NCALD: variants seen among roughly 807,000 people sequenced by gnomAD.
NCALD encodes neurocalcin-delta.
In NCALD, 10 loss-of-function variants were observed where a neutral mutation model predicts 18.6. The ratio of observed to expected loss-of-function variants is 0.54; its 90% CI spans 0.33 to 0.91. The LOEUF (loss-of-function observed/expected upper bound fraction) is 0.91, where lower values mean the gene tolerates loss of function less well. NCALD is among the 40% of genes least tolerant of loss of function. The pLI is 0.03. For synonymous variants in NCALD, 88 were observed against 87.4 expected (o/e 1.01, Z -0.04); for missense variants, 184 against 247.6 (o/e 0.74, Z 1.72).
At chr8:101,868,462 G>C (rs73280834) in intron 4 of NCALD, among the ~76,000 whole-genome samples, 3 of 152,074 alleles carry the variant, frequency 2.0e-5, no homozygotes, top group African/African-American at 4.8e-5. Context: ...ACCCCAACTT[G>C]TCACACCTAA....
chr8:102,044,320 C>G (rs140634600), intron 1 of NCALD, among the ~76,000 whole-genome samples: 1 of 151,846 alleles, frequency 6.6e-6, no homozygotes, highest in Non-Finnish European at 1.5e-5. Flanking sequence ...TGAGGACACA[C>G]GGAAATGGGT....
At chr8:101,884,223 T>G (rs1034858011) in intron 4 of NCALD, among the ~76,000 whole-genome samples, 2 of 152,240 alleles carry the variant, frequency 1.3e-5, no homozygotes, top group Non-Finnish European at 2.9e-5. Context: ...CCACTGAGAC[T>G]AGGTGTGGTA....
At chr8:101,958,840 T>A (rs751411747) in intron 2 of NCALD, among the ~76,000 whole-genome samples, 1 of 152,080 alleles carries the variant, frequency 6.6e-6, no homozygotes, top group Non-Finnish European at 1.5e-5. Flanking sequence ...TAGCCCACTT[T>A]TATTTTATAT....
At chr8:102,052,839 C>T (rs1249230424) in intron 1 of NCALD, among the ~76,000 whole-genome samples, 1 of 152,190 alleles carries the variant, frequency 6.6e-6, no homozygotes, top group African/African-American at 2.4e-5. Context: ...TGTGTTCCCA[C>T]AAAATTTCAT....
At chr8:101,704,144 T>C (rs1260033303) in intron 2 of NCALD, among the ~76,000 whole-genome samples, 1 of 152,160 alleles carries the variant, frequency 6.6e-6, no homozygotes, top group Non-Finnish European at 1.5e-5. Flanking sequence ...TCAAACTGTT[T>C]CCAAGTAATT....
chr8:101,715,277 T>A (rs1174905047), intron 2 of NCALD, among the ~76,000 whole-genome samples: 1 of 152,200 alleles, frequency 6.6e-6, no homozygotes, highest in African/African-American at 2.4e-5. Flanking sequence ...GCTAGCCATA[T>A]GCAGAAAACT....
At chr8:101,848,865 T>C (rs1814979257) in intron 4 of NCALD, among the ~76,000 whole-genome samples, 2 of 152,274 alleles carry the variant, frequency 1.3e-5, no homozygotes, top group South Asian at 4.1e-4. Flanking sequence ...ACTGGGTATA[T>C]ACCCAAAGGA....
At chr8:102,082,409 T>C (rs1264626669) in intron 1 of NCALD, among the ~76,000 whole-genome samples, 1 of 151,762 alleles carries the variant, frequency 6.6e-6, no homozygotes, top group Non-Finnish European at 1.5e-5. Context: ...AAAGGTATGA[T>C]TGACACCTGA....
chr8:102,008,565 G>A (rs1470652891), intron 2 of NCALD, among the ~76,000 whole-genome samples: 4 of 150,648 alleles, frequency 2.7e-5, no homozygotes, highest in African/African-American at 9.7e-5. Flanking sequence ...TGAAAAAAAT[G>A]TCCTCCTTAT....
At chr8:101,944,361 C>A (rs1243210265) in intron 2 of NCALD, among the ~76,000 whole-genome samples, 1 of 152,158 alleles carries the variant, frequency 6.6e-6, no homozygotes, top group Non-Finnish European at 1.5e-5. Context: ...AGTTTGAATG[C>A]AAGACCTATA....
At chr8:101,867,968 T>C (rs1382135914) in intron 4 of NCALD, among the ~76,000 whole-genome samples, 1 of 151,778 alleles carries the variant, frequency 6.6e-6, no homozygotes, top group East Asian at 1.9e-4. Context: ...CCCGCCAACC[T>C]TTTTTTTGGC....
intron 1 of NCALD, among the ~76,000 whole-genome samples, chr8:102,106,628 A>T (rs996706362): frequency 2.6e-5 from 4 of 152,002 alleles, no homozygotes; most frequent in African/African-American, 9.7e-5. Flanking sequence ...TTTCATATAC[A>T]AGGGCTGACA....
chr8:101,904,295 C>T (rs989852128), intron 3 of NCALD, among the ~76,000 whole-genome samples: 8 of 152,222 alleles, frequency 5.3e-5, no homozygotes, highest in African/African-American at 1.4e-4. Flanking sequence ...TGAGTTCCCC[C>T]GCCCCCGCTC....
At chr8:102,115,666 T>C (rs1825761317) in intron 1 of NCALD, among the ~76,000 whole-genome samples, 1 of 152,230 alleles carries the variant, frequency 6.6e-6, no homozygotes, top group Non-Finnish European at 1.5e-5. Flanking sequence ...GATGGGTCAA[T>C]GGCATTCACA....
At chr8:101,923,449 C>G (rs1818234420) in intron 2 of NCALD, among the ~76,000 whole-genome samples, 2 of 152,212 alleles carry the variant, frequency 1.3e-5, no homozygotes. Context: ...AGCAGTCACT[C>G]ACTATCACTA....
chr8:101,882,386 TC>T (rs1187883490), intron 4 of NCALD, among the ~76,000 whole-genome samples: 1 of 151,930 alleles, frequency 6.6e-6, no homozygotes, highest in Non-Finnish European at 1.5e-5. Flanking sequence ...GGGTCTCTTT[TC>T]CCCTTCCACC....
chr8:101,798,467 T>C (rs982686156), intron 4 of NCALD, among the ~76,000 whole-genome samples: 1 of 152,226 alleles, frequency 6.6e-6, no homozygotes, highest in Non-Finnish European at 1.5e-5. Context: ...ACAGGACTTG[T>C]ATTCTGAAAA....
intron 2 of NCALD, among the ~76,000 whole-genome samples, chr8:101,949,013 A>G (rs774361817): frequency 1.1e-4 from 17 of 152,206 alleles, no homozygotes; most frequent in Non-Finnish European, 2.2e-4. Context: ...AGTGTACCTT[A>G]CAGAAAACAT....
intron 4 of NCALD, among the ~76,000 whole-genome samples, chr8:101,827,832 A>G (rs963425485): frequency 4.6e-5 from 7 of 152,144 alleles, no homozygotes; most frequent in Admixed American, 3.3e-4. Flanking sequence ...TTTAATCCTT[A>G]AGTAACTTTT....
Sources: gnomAD v4.1 joint callset for allele counts (sites outside exome capture counted in the v4.1 genomes callset) on GRCh38, gnomAD v4.1.1 for gene constraint, MANE v1.5 for transcripts, NCBI Gene and HGNC (gene_info 2026-07-23, HGNC 2026-07-21) for gene names.